The following ZNF483 variants were observed in gnomAD, a reference collection of about 807,000 sequenced individuals.
The protein encoded by ZNF483 is zinc finger protein HIT-10.
In ZNF483, 9 loss-of-function variants were observed where a neutral mutation model predicts 28.6. That is an observed-to-expected ratio of 0.32 (90% CI 0.19 to 0.55). ZNF483 has a LOEUF of 0.55. ZNF483 is among the 20% of genes least tolerant of loss of function. ZNF483 has a pLI of 0.93. For missense variants in ZNF483, 675 were observed against 871.7 expected, an observed-to-expected ratio of 0.77 and a Z score of 2.84; for synonymous variants, 322 against 306.2, an observed-to-expected ratio of 1.05 and a Z score of -0.54.
Position 111,545,024 on chromosome 9 carries a change from T to A in ZNF483, c.*1854T>A, listed in dbSNP as rs916269047. On this transcript the variant is annotated 3_prime_UTR_variant, in exon 6 of 6. Transcript: ENST00000309235. ...TAATCTTAGACTCAGGAACATTTAC[T>A]GTGACTAATGTATGTAGGTGTGAAA... 4.6e-5 allele frequency among the ~76,000 whole-genome samples: 7 copies of A among 152,192 alleles called. No individual in the cohort carries two copies. The highest frequency in any genetic ancestry group is 1.3e-4 in the Admixed American group (2 of 15,264).
rs1044631858 is a variant in ZNF483 at position 111,554,486 on chromosome 9, C to T, written c.*11316C>T. On this transcript the variant is annotated 3_prime_UTR_variant, in exon 6 of 6. Coordinates refer to ENST00000309235, the MANE Select transcript of ZNF483 (RefSeq NM_133464.5). ...CACACTTAATGCATACAGTAGCCCC[C>T]TTATCCATGGGGGATATGCTCCAAG... 1.1e-4 allele frequency among the ~76,000 whole-genome samples: 17 copies of T among 152,196 alleles called. No individual in the cohort carries two copies. Among genetic ancestry groups the T allele is most frequent in the African/African-American group, 4.1e-4 (17 of 41,440 alleles).
chr9:111,528,916 C>T (rs1243645550), intron 2 of ZNF483, among the ~76,000 whole-genome samples: 1 of 152,044 alleles, frequency 6.6e-6, no homozygotes, highest in South Asian at 2.1e-4. Flanking sequence ...GAGGCCTAGG[C>T]GGGTGGATCA....
chr9:111,534,543 A>G (rs976144609), intron 5 of ZNF483, among the ~76,000 whole-genome samples, 190 bp downstream of exon 5: 3 of 152,110 alleles, frequency 2.0e-5, no homozygotes, highest in African/African-American at 4.8e-5. Context: ...ATGCCAGGAC[A>G]TGATTAGCCA....
At chr9:111,564,201 C>A in intron 5 of ZNF483, 1 of 1,064,350 alleles carries the variant, frequency 9.4e-7, no homozygotes, top group Admixed American at 5.1e-5. Context: ...TGGCTTAGCA[C>A]TCTTCATGGA....
intron 1 of ZNF483, among the ~76,000 whole-genome samples, chr9:111,526,329 G>T (rs1027892691): frequency 1.3e-5 from 2 of 152,024 alleles, no homozygotes; most frequent in African/African-American, 4.8e-5. Flanking sequence ...AAGAGGTGAG[G>T]TCATCAGACA....
In ZNF483 at chr9:111,542,321, T is replaced by G; in HGVS notation, c.1386T>G (p.Thr462=). The part of the protein sequence containing the change: ...ASLTKHRRIH[T]GEKPYMCNEC... ...TCACCAAACATCGGAGAATTCACAC[T>G]GGAGAAAAACCCTATATGTGTAATG... The change falls in exon 6 of 6, where the codon ACT becomes ACG. Residue 462 remains threonine (T), a synonymous_variant. Coordinates refer to ENST00000309235, the MANE Select transcript of ZNF483 (RefSeq NM_133464.5). The surrounding 1 kb of genome is among the most constrained non-coding windows in gnomAD (Gnocchi z 6.2). The G allele has an allele frequency of 6.2e-7, 1 of 1,614,170 alleles. No individual in the cohort carries two copies. The highest frequency in any genetic ancestry group is 8.5e-7 in the Non-Finnish European group (1 of 1,180,036).
At chr9:111,577,387 T>C (rs1829105614) in exon 6 of ZNF483, 1 of 152,196 alleles carries the variant, frequency 6.6e-6, no homozygotes, top group South Asian at 2.1e-4. Context: ...GTAGCCACTT[T>C]GCAAAACAGT....
In ZNF483 at chr9:111,527,367, A is replaced by G; in HGVS notation, c.-29A>G. On this transcript the variant is annotated 5_prime_UTR_variant, in exon 2 of 6. Transcript: ENST00000309235. ...GTACTGATACTCAACTAGAGTGTGA[A>G]GGGACTGGATTCCTGCCCCTGAGAC... is the stretch of plus-strand genomic sequence containing the variant. The G allele has an allele frequency of 6.2e-7, 1 of 1,604,434 alleles. No individual in the cohort carries two copies. The highest frequency in any genetic ancestry group is 2.2e-5 in the East Asian group (1 of 44,808).
intron 2 of ZNF483, among the ~76,000 whole-genome samples, chr9:111,528,862 C>T (rs1036669398): frequency 8.5e-5 from 13 of 152,198 alleles, no homozygotes; most frequent in Middle Eastern, 3.4e-3. Flanking sequence ...GAATTGATTT[C>T]GGGCTGGGTA....
At position 111,549,586 on chromosome 9, in the gene ZNF483, A is replaced by G. The variant is rs192544648; in HGVS notation, c.*6416A>G. ...CCTTGTAGATTATCAGAGTGGGTCGATAATCTACAAGCTTTGCTAAACCTA... is the reference window on the plus strand; with the variant it reads ...CCTTGTAGATTATCAGAGTGGGTCGGTAATCTACAAGCTTTGCTAAACCTA... On this transcript the variant is annotated 3_prime_UTR_variant, in exon 6 of 6. Coordinates refer to ENST00000309235, the MANE Select transcript of ZNF483 (RefSeq NM_133464.5). The G allele has an allele frequency of 3.5e-3, 2,441 of 705,228 alleles. 11 individuals carry two copies. Among genetic ancestry groups the G allele is most frequent in the Non-Finnish European group, 5.0e-3 (2,171 of 430,718 alleles). 43.7% of individuals were successfully genotyped at this position (705,228 alleles called of 1,614,324 possible).
Position 111,553,375 on chromosome 9 carries a change from A to AT in ZNF483, c.*10212dup, listed in dbSNP as rs1386833758. 9.2e-4 allele frequency among the ~76,000 whole-genome samples: 140 copies of AT among 152,178 alleles called. No homozygotes were observed. The highest frequency in any genetic ancestry group is 2.1e-4 in the South Asian group (1 of 4,820). ...TTGTTTAAAATTTAAATATTTTTTC[A>AT]TTTTTTTAACCTAGAAAATAATTAT... On this transcript the variant is annotated 3_prime_UTR_variant, in exon 6 of 6. Coordinates refer to ENST00000309235, the MANE Select transcript of ZNF483 (RefSeq NM_133464.5).
At chr9:111,570,219 G>C (rs757253320) in intron 5 of ZNF483, 5 of 1,610,996 alleles carry the variant, frequency 3.1e-6, no homozygotes, top group Non-Finnish European at 4.2e-6. Context: ...CCTGTGAAGA[G>C]AAGGGCACAT....
intron 5 of ZNF483, among the ~76,000 whole-genome samples, chr9:111,541,324 C>G (rs1827665769): frequency 6.6e-6 from 1 of 152,102 alleles, no homozygotes; most frequent in African/African-American, 2.4e-5. Context: ...CTCCTGACCT[C>G]ATGATCTCCC....
chr9:111,544,319 G>A lies in ZNF483; in HGVS notation c.*1149G>A, dbSNP rs1411945783. 7 of 984,584 alleles carry A rather than the reference G, an allele frequency of 7.1e-6. No homozygotes were observed. Among genetic ancestry groups the A allele is most frequent in the Non-Finnish European group, 8.4e-6 (7 of 829,898 alleles). 61.0% of individuals were successfully genotyped at this position (984,584 alleles called of 1,614,324 possible). A position where few individuals can be genotyped will look rare whatever the true frequency, so the allele number is the denominator to read the frequency against. On this transcript the variant is annotated 3_prime_UTR_variant, in exon 6 of 6. Transcript: ENST00000309235. ...TTCTGTGTGGCAACAGTTAAAAGCT[G>A]TTATAACAATTTGCTTGGGTGTGTG...
downstream of ZNF483, among the ~76,000 whole-genome samples, chr9:111,559,869 C>T: frequency 6.6e-6 from 1 of 152,218 alleles, no homozygotes; most frequent in East Asian, 1.9e-4. Flanking sequence ...GTCCTTCAGG[C>T]ATTCCTTAGT....
downstream of ZNF483, among the ~76,000 whole-genome samples, chr9:111,559,598 T>TCACACA (rs1037774997): frequency 6.7e-6 from 1 of 149,934 alleles, no homozygotes. Context: ...ACACACACAC[T>TCACACA]CACACACACA....
chr9:111,526,233 A>T (rs1045511387), intron 1 of ZNF483, among the ~76,000 whole-genome samples: 3 of 152,216 alleles, frequency 2.0e-5, no homozygotes, highest in Non-Finnish European at 4.4e-5. Flanking sequence ...GAGAGGGAAT[A>T]GCCTTGGTGC....
rs143051496 is a variant in ZNF483, at chr9:111,570,201, G to A, written c.722-6164G>A. On this transcript the variant is annotated intron_variant, in intron 5 of 5. Coordinates refer to the ZNF483 transcript ENST00000358151. ...AGCTCCTGATAGATAACAATCTCTG[G>A]GGGTGGGCCTGTGAAGAGAAGGGCA... 5 of 1,613,366 alleles carry A rather than the reference G, an allele frequency of 3.1e-6. No individual in the cohort carries two copies. The African/African-American group carries it at 6.7e-5, about 22-fold the overall frequency.
Position 111,549,824 on chromosome 9 carries a change from G to T in ZNF483, c.*6654G>T. The T allele has an allele frequency of 7.0e-7, 1 of 1,421,456 alleles. No individual in the cohort carries two copies. The highest frequency in any genetic ancestry group is 9.7e-7 in the Non-Finnish European group (1 of 1,030,420). 88.1% of individuals were successfully genotyped at this position (1,421,456 alleles called of 1,614,324 possible). ...TCTGTCAACACAATCAGAACATTTA[G>T]CTCTTTGAGCATCTTTAAGGCAGTT... On this transcript the variant is annotated 3_prime_UTR_variant, in exon 6 of 6. Coordinates refer to ENST00000309235, the MANE Select transcript of ZNF483 (RefSeq NM_133464.5).
Sources: allele counts gnomAD v4.1 joint callset (sites outside exome capture counted in the v4.1 genomes callset), GRCh38; gene constraint gnomAD v4.1.1; non-coding constraint Gnocchi (gnomAD v3.1); transcripts MANE v1.5; gene names NCBI Gene and HGNC (gene_info 2026-07-23, HGNC 2026-07-21).